PRMT3: variants seen among roughly 807,000 people sequenced by gnomAD.
PRMT3 encodes protein arginine methyltransferase 3.
Under a neutral mutation model 71.9 loss-of-function variants are expected in PRMT3, and 62 were observed. The ratio of observed to expected loss-of-function variants is 0.86; its 90% CI spans 0.70 to 1.07. The LOEUF (loss-of-function observed/expected upper bound fraction) is 1.07, where lower values mean the gene tolerates loss of function less well. PRMT3 is among the 50% of genes least tolerant of loss of function. PRMT3 has a pLI of 0.00. For synonymous variants in PRMT3, 213 were observed against 220.4 expected (o/e 0.97, Z 0.30); for missense variants, 663 against 643.0 (o/e 1.03, Z -0.34).
At chr11:20,419,379 CTA>C (rs1306971326) in intron 9 of PRMT3, among the ~76,000 whole-genome samples, 2 of 152,290 alleles carry the variant, frequency 1.3e-5, no homozygotes, top group East Asian at 1.9e-4. Context: ...CATAGGCAAT[CTA>C]TGTGTATATT....
intron 11 of PRMT3, among the ~76,000 whole-genome samples, chr11:20,455,871 C>T (rs1254597275): frequency 6.6e-6 from 1 of 151,238 alleles, no homozygotes; most frequent in East Asian, 1.9e-4. Context: ...AAAGTTTAAT[C>T]CACACAATAA....
At chr11:20,488,913 A>G (rs1472829355) in intron 13 of PRMT3, among the ~76,000 whole-genome samples, 2 of 152,182 alleles carry the variant, frequency 1.3e-5, no homozygotes, top group Admixed American at 6.5e-5. Flanking sequence ...TCAGTTTACA[A>G]ATGCCATGAG....
At chr11:20,501,111 T>C (rs1851447874) in intron 15 of PRMT3, among the ~76,000 whole-genome samples, 5 of 152,194 alleles carry the variant, frequency 3.3e-5, no homozygotes, top group Admixed American at 3.3e-4. Context: ...ACTTGATAAA[T>C]TCCAATTTAC....
chr11:20,404,213 T>TTTTTTTTGTTTTGTTTTG (rs1849015637), intron 8 of PRMT3, among the ~76,000 whole-genome samples: 1 of 4,142 alleles, frequency 2.4e-4, no homozygotes, highest in Admixed American at 2.1e-3. Flanking sequence ...TTTTCATAGT[T>TTTTTTTTGTTTTGTTTTG]TTTTTTTTTT....
intron 10 of PRMT3, among the ~76,000 whole-genome samples, chr11:20,449,542 A>G (rs1472208481): frequency 6.6e-6 from 1 of 152,142 alleles, no homozygotes; most frequent in Non-Finnish European, 1.5e-5. Flanking sequence ...TGACCGAACT[A>G]TTATTTTAGA....
At chr11:20,485,618 G>T (rs932103502) in intron 13 of PRMT3, among the ~76,000 whole-genome samples, 8 of 151,532 alleles carry the variant, frequency 5.3e-5, no homozygotes, top group African/African-American at 1.9e-4. Flanking sequence ...GGATTTTAGG[G>T]CAGAAGAAAA....
chr11:20,410,240 A>G (rs562680820), intron 9 of PRMT3, among the ~76,000 whole-genome samples: 1 of 152,224 alleles, frequency 6.6e-6, no homozygotes, highest in South Asian at 2.1e-4. Context: ...AATATTTAAA[A>G]TGTTTCTGAC....
Position 20,469,347 on chromosome 11 carries a change from T to G in PRMT3, c.1347+4801T>G, listed in dbSNP as rs144950652. On this transcript the variant is annotated intron_variant, in intron 13 of 15. Coordinates refer to ENST00000331079, the MANE Select transcript of PRMT3 (RefSeq NM_005788.4). The stretch of plus-strand genomic sequence containing the variant: ...TTGTGTAATATTCGCTTACTCTGTA[T>G]GCCAAGTGGCATTTATATTTTCATC... 6.6e-5 allele frequency among the ~76,000 whole-genome samples: 10 copies of G among 152,386 alleles called. No individual in the cohort carries two copies. The East Asian group carries it at 1.9e-3, about 29-fold the overall frequency.
chr11:20,407,779 G>A (rs1055629702), intron 8 of PRMT3, 132 bp from the exon 9 acceptor site: 19 of 889,236 alleles, frequency 2.1e-5, no homozygotes, highest in Admixed American at 1.6e-4. Flanking sequence ...GTGAGCCACC[G>A]CGCCTGGCCA....
Position 20,452,163 on chromosome 11 carries a change from T to C in PRMT3, c.1027T>C (p.Ser343Pro). Residue 343 changes from serine to proline, a missense_variant, in exon 11 of 16, where the codon TCT (serine) becomes CCT (proline). By Grantham distance (74) the Ser-to-Pro change is moderately conservative. Coordinates refer to ENST00000331079, the MANE Select transcript of PRMT3 (RefSeq NM_005788.4). ...YFLLFESMLD[S>P]VLYAKNKYLA... The stretch of plus-strand genomic sequence containing the variant: ...TCTTCTGTTTGAGTCTATGTTAGAT[T>C]CTGTCCTTTATGCAAAGAACAAATA... 6.2e-7 allele frequency: 1 copy of C among 1,611,064 alleles called. No homozygotes were observed. The highest frequency in any genetic ancestry group is 8.5e-7 in the Non-Finnish European group (1 of 1,177,636).
intron 5 of PRMT3, chr11:20,393,686 A>C (rs1336080662): frequency 6.6e-6 from 1 of 152,214 alleles, no homozygotes; most frequent in Non-Finnish European, 1.5e-5. Context: ...CTTAATATTT[A>C]CTGAATCCTC....
rs1592329088 is a variant in PRMT3 at position 20,391,039 on chromosome 11, G to A, written c.248-1172G>A. ...CACTACAGCCTGGGTGACAGACTGA[G>A]ACGCCGTCTCAAAAAAAAAAAAATA... is the stretch of plus-strand genomic sequence containing the variant. On this transcript the variant is annotated intron_variant, in intron 3 of 15. Transcript: ENST00000331079. 3.4e-5 allele frequency among the ~76,000 whole-genome samples: 4 copies of A among 118,490 alleles called. No individual in the cohort carries two copies. The Admixed American group carries it at 3.5e-4, about 10-fold the overall frequency. 77.7% of individuals were successfully genotyped at this position (118,490 alleles called of 152,430 possible).
intron 15 of PRMT3, among the ~76,000 whole-genome samples, chr11:20,494,643 G>A (rs1405161441): frequency 1.3e-5 from 2 of 152,122 alleles, no homozygotes; most frequent in Non-Finnish European, 2.9e-5. Flanking sequence ...TATATTTGAA[G>A]CAATATAACA....
At chr11:20,431,560 T>C (rs917365347) in intron 10 of PRMT3, among the ~76,000 whole-genome samples, 2 of 152,158 alleles carry the variant, frequency 1.3e-5, no homozygotes, top group African/African-American at 4.8e-5. Flanking sequence ...ATACATGAAA[T>C]AAAGAATATT....
At position 20,397,588 on chromosome 11, in the gene PRMT3, A is replaced by G. The variant is rs778235427; in HGVS notation, c.572A>G (p.Gln191Arg). Residue 191 changes from glutamine (Q) to arginine (R), a missense_variant, in exon 7 of 16, where the codon CAG (glutamine) becomes CGG (arginine). Gln to Arg is a conservative substitution (Grantham distance 43). Coordinates refer to ENST00000331079, the MANE Select transcript of PRMT3 (RefSeq NM_005788.4). The part of the protein sequence containing the change: ...EDLQKMKQFA[Q>R]DFVMHTDVRT... Reference sequence around the variant, plus strand: ...CAAATTGATTACAGACAATTTGCTCAGGATTTTGTGATGCACACAGATGTC... The same window carrying G: ...CAAATTGATTACAGACAATTTGCTCGGGATTTTGTGATGCACACAGATGTC... The G allele has an allele frequency of 1.9e-6, 3 of 1,614,020 alleles. No individual in the cohort carries two copies. The highest frequency in any genetic ancestry group is 2.5e-6 in the Non-Finnish European group (3 of 1,179,994).
chr11:20,484,818 C>T (rs905376344), intron 13 of PRMT3, among the ~76,000 whole-genome samples: 3 of 151,948 alleles, frequency 2.0e-5, no homozygotes, highest in Non-Finnish European at 2.9e-5. Flanking sequence ...ACCCTTTTGC[C>T]GAAAACAGCT....
At chr11:20,466,359 A>G (rs1565224642) in intron 13 of PRMT3, among the ~76,000 whole-genome samples, 2 of 152,080 alleles carry the variant, frequency 1.3e-5, no homozygotes, top group African/African-American at 2.4e-5. Context: ...TGTAGGTTCT[A>G]TTTACCTTAA....
At chr11:20,416,104 C>T (rs1281180486) in intron 9 of PRMT3, among the ~76,000 whole-genome samples, 2 of 152,096 alleles carry the variant, frequency 1.3e-5, no homozygotes, top group East Asian at 3.9e-4. Flanking sequence ...TCTTAGATCT[C>T]TCACCTGAAT....
intron 13 of PRMT3, among the ~76,000 whole-genome samples, chr11:20,468,474 T>A (rs1850565855): frequency 6.6e-6 from 1 of 152,178 alleles, no homozygotes; most frequent in Non-Finnish European, 1.5e-5. Context: ...GTTCAAGCGA[T>A]CCTCTTGGCT....
Sources: gnomAD v4.1 joint callset for allele counts (sites outside exome capture counted in the v4.1 genomes callset) on GRCh38, gnomAD v4.1.1 for gene constraint, MANE v1.5 for transcripts, NCBI Gene and HGNC (gene_info 2026-07-23, HGNC 2026-07-21) for gene names.